ASH1L: variants seen among roughly 807,000 people sequenced by gnomAD.
The protein encoded by ASH1L is ASH1 like histone lysine methyltransferase.
ASH1L carries 23 observed loss-of-function variants against 269.0 expected under a neutral mutation model. The observed-to-expected ratio is 0.09, with a 90% CI of 0.06 to 0.12. The LOEUF (loss-of-function observed/expected upper bound fraction) is 0.12, where lower values mean the gene tolerates loss of function less well. Ranked by LOEUF, ASH1L falls within the 10% of genes least tolerant of loss-of-function variation. ASH1L has a pLI of 1.00. For missense variants in ASH1L, 2,912 were observed against 3,567.8 expected (o/e 0.82, Z 4.68); for synonymous variants, 1,187 against 1,253.5 (o/e 0.95, Z 1.12).
intron 4 of ASH1L, among the ~76,000 whole-genome samples, chr1:155,440,214 G>A (rs984410587): frequency 1.3e-5 from 2 of 152,140 alleles, no homozygotes; most frequent in Middle Eastern, 3.4e-3. Flanking sequence ...AGGCTGAGGC[G>A]GGTGGATTGT....
At chr1:155,497,836 G>A (rs557923339) in intron 2 of ASH1L, among the ~76,000 whole-genome samples, 97 of 150,966 alleles carry the variant, frequency 6.4e-4, no homozygotes, top group African/African-American at 9.0e-4. Context: ...TGCAAGTTCC[G>A]CCTCCCGGGT....
chr1:155,360,238 TCATGTTATTA>T (rs762501526), intron 13 of ASH1L, 53 bp downstream of exon 13: 400 of 1,111,886 alleles, frequency 3.6e-4, no homozygotes, highest in Non-Finnish European at 5.0e-4. Flanking sequence ...TACAGAAAGC[TCATGTTATTA>T]CAGCATTGTA....
chr1:155,362,763 C>T (rs963718009), intron 12 of ASH1L, among the ~76,000 whole-genome samples: 1 of 152,030 alleles, frequency 6.6e-6, no homozygotes, highest in Admixed American at 6.6e-5. Flanking sequence ...AGTATATACG[C>T]CTCAGAGTTT....
At chr1:155,377,149 T>C (rs111267304) in intron 10 of ASH1L, among the ~76,000 whole-genome samples, 8,477 of 152,034 alleles carry the variant, frequency 0.056, 797 homozygotes, top group African/African-American at 0.2. Context: ...TCAGGTGACC[T>C]GCCTGCCTCA....
chr1:155,476,382 T>C (rs1349946156), intron 3 of ASH1L, among the ~76,000 whole-genome samples: 1 of 151,786 alleles, frequency 6.6e-6, no homozygotes, highest in Non-Finnish European at 1.5e-5. Flanking sequence ...CAAGACTCCG[T>C]CTCAAAATAA....
chr1:155,521,231 T>C lies in ASH1L; in HGVS notation c.289A>G (p.Lys97Glu), dbSNP rs1668866329. Residue 97 changes from lysine to glutamate, a missense_variant, in exon 2 of 28, where the codon AAA becomes GAA. This residue lies in a region of ASH1L where 277 missense variants were observed against 367.7 expected (regional missense o/e 0.75). Coordinates refer to ENST00000392403, the MANE Select transcript of ASH1L (RefSeq NM_018489.3). ...LKIGLQAKRTKKPPKNLENYV... is the reference protein window; with the variant it reads ...LKIGLQAKRTEKPPKNLENYV... ...TTCTCCAAGTTCTTTGGAGGTTTTT[T>C]AGTTCTCTTAGCCTGGAGGCCAATT... The C allele has an allele frequency of 6.2e-7, 1 of 1,614,042 alleles. No homozygotes were observed. The highest frequency in any genetic ancestry group is 8.5e-7 in the Non-Finnish European group (1 of 1,180,034).
chr1:155,370,467 G>C, intron 12 of ASH1L, 37 bp downstream of exon 12: 1 of 1,611,244 alleles, frequency 6.2e-7, no homozygotes, highest in Non-Finnish European at 8.5e-7. Context: ...TGCTTATTCT[G>C]CTGGATTCTT....
intron 3 of ASH1L, among the ~76,000 whole-genome samples, chr1:155,465,895 CT>C (rs1664653490): frequency 6.6e-6 from 1 of 152,164 alleles, no homozygotes; most frequent in South Asian, 2.1e-4. Context: ...ACCTTGGAAC[CT>C]TCTTGTGAAT....
At chr1:155,441,027 T>C (rs1662515978) in intron 4 of ASH1L, among the ~76,000 whole-genome samples, 1 of 152,158 alleles carries the variant, frequency 6.6e-6, no homozygotes, top group African/African-American at 2.4e-5. Context: ...TGTCTTCTGT[T>C]AGTTTAAACT....
Position 155,433,784 on chromosome 1 carries a change from C to A in ASH1L, c.5828+4543G>T, listed in dbSNP as rs769249681. ...CTTCAAGAACATGTGTAAGCTGCGGCCCTTGCTGCAGAAGTGGGTGGAGGA... is the reference window on the plus strand; with the variant it reads ...CTTCAAGAACATGTGTAAGCTGCGGACCTTGCTGCAGAAGTGGGTGGAGGA... On this transcript the variant is annotated intron_variant, in intron 5 of 27. Transcript: ENST00000392403. 1.1e-5 allele frequency: 18 copies of A among 1,605,808 alleles called. No individual in the cohort carries two copies. The Admixed American group carries it at 1.9e-4, about 17-fold the overall frequency.
intron 4 of ASH1L, among the ~76,000 whole-genome samples, chr1:155,458,231 A>G (rs1416294459): frequency 1.3e-5 from 2 of 152,240 alleles, no homozygotes; most frequent in East Asian, 3.8e-4. Context: ...AAGAGCTTCT[A>G]AAGATAATCA....
At position 155,427,314 on chromosome 1, in the gene ASH1L, T is replaced by C. The variant is rs1057382599; in HGVS notation, c.5828+11013A>G. ...CACACCTGGCTAATTTTAATTTTTC[T>C]TTTTTTTTTTGAGATGGAGTCCCGC... On this transcript the variant is annotated intron_variant, in intron 5 of 27. Coordinates refer to ENST00000392403, the MANE Select transcript of ASH1L (RefSeq NM_018489.3). 2.8e-5 allele frequency among the ~76,000 whole-genome samples: 4 copies of C among 144,112 alleles called. No individual in the cohort carries two copies. In the South Asian group the frequency reaches 9.4e-4, roughly 34 times the overall value. 94.5% of individuals were successfully genotyped at this position (144,112 alleles called of 152,430 possible). A position where few individuals can be genotyped will look rare whatever the true frequency, so the allele number is the denominator to read the frequency against.
intron 6 of ASH1L, among the ~76,000 whole-genome samples, chr1:155,412,302 T>C (rs1217960056): frequency 6.6e-6 from 1 of 151,310 alleles, no homozygotes; most frequent in Admixed American, 6.6e-5. Flanking sequence ...CCAGCTACTC[T>C]GGAGGCTGAG....
chr1:155,546,526 C>T (rs532601958), intron 1 of ASH1L, among the ~76,000 whole-genome samples: 211 of 151,966 alleles, frequency 1.4e-3, no homozygotes, highest in Middle Eastern at 6.8e-3. Flanking sequence ...TTTGGGAGGC[C>T]GAGGCGGGCA....
At chr1:155,515,832 T>TAAA (rs755945664) in intron 2 of ASH1L, among the ~76,000 whole-genome samples, 7 of 106,776 alleles carry the variant, frequency 6.6e-5, no homozygotes, top group African/African-American at 1.4e-4. Flanking sequence ...GACTCTGCCT[T>TAAA]AAAAAAAAAA....
intron 2 of ASH1L, among the ~76,000 whole-genome samples, chr1:155,483,336 A>G (rs1025039433): frequency 6.6e-6 from 1 of 152,224 alleles, no homozygotes; most frequent in Non-Finnish European, 1.5e-5. Flanking sequence ...TTTGGCATTT[A>G]GAAAAATTGA....
chr1:155,444,863 C>T (rs1335242874), intron 4 of ASH1L, among the ~76,000 whole-genome samples: 2 of 139,442 alleles, frequency 1.4e-5, no homozygotes, highest in Non-Finnish European at 2.9e-5. Flanking sequence ...GTGATCCGCC[C>T]GCCTCGGCCT....
At chr1:155,372,621 A>C (rs112454346) in intron 10 of ASH1L, among the ~76,000 whole-genome samples, 7,068 of 147,350 alleles carry the variant, frequency 0.048, 573 homozygotes, top group African/African-American at 0.17. Flanking sequence ...TTTTTTTTTT[A>C]ATTAAAGAGG....
chr1:155,461,850 G>A (rs1664326568), intron 3 of ASH1L, among the ~76,000 whole-genome samples: 1 of 149,182 alleles, frequency 6.7e-6, no homozygotes, highest in Non-Finnish European at 1.5e-5. Flanking sequence ...CCAGGCTGGA[G>A]AGCAGTGGTG....
Sources: gnomAD v4.1 joint callset for allele counts (sites outside exome capture counted in the v4.1 genomes callset) on GRCh38, gnomAD v4.1.1 for gene constraint, gnomAD v4.1.1 regional missense constraint, MANE v1.5 for transcripts, NCBI Gene and HGNC (gene_info 2026-07-23, HGNC 2026-07-21) for gene names.